CD4: variants seen among roughly 807,000 people sequenced by gnomAD.
CD4 encodes the protein CD4 molecule.
A neutral mutation model predicts 50.5 loss-of-function variants in CD4; 25 were observed. The observed-to-expected ratio is 0.49, with a 90% confidence interval of 0.36 to 0.69. The LOEUF is 0.69. CD4 is among the 30% of genes least tolerant of loss of function. The pLI is 0.00. For synonymous variants in CD4, 207 were observed against 221.9 expected (o/e 0.93, Z 0.60); for missense variants, 456 against 548.5 (o/e 0.83, Z 1.68).
In CD4 at chr12:6,800,367, T is replaced by C; in HGVS notation, c.110T>C (p.Val37Ala). The change falls in exon 3 of 10, where the codon GTG becomes GCG. Residue 37 changes from valine (V) to alanine (A), a missense_variant. Coordinates refer to ENST00000011653, the MANE Select transcript of CD4 (RefSeq NM_000616.5). ...GTGCTGGGCAAAAAAGGGGATACAG[T>C]GGAACTGACCTGTACAGCTTCCCAG... is the stretch of plus-strand genomic sequence containing the variant. ...KVVLGKKGDT[V>A]ELTCTASQKK... 1.2e-6 allele frequency: 2 copies of C among 1,613,996 alleles called. No individual in the cohort carries two copies. The highest frequency in any genetic ancestry group is 8.5e-7 in the Non-Finnish European group (1 of 1,179,954).
chr12:6,817,942 T>C (rs782812201), intron 7 of CD4, among the ~76,000 whole-genome samples: 18 of 151,716 alleles, frequency 1.2e-4, no homozygotes, highest in Admixed American at 1.0e-3. Context: ...CACACACTTA[T>C]ACACTCACAT....
chr12:6,794,001 T>TCTATCTAA (rs1331277866), intron 1 of CD4, among the ~76,000 whole-genome samples: 9 of 151,512 alleles, frequency 5.9e-5, no homozygotes, highest in African/African-American at 2.2e-4. Context: ...TATCTATCTA[T>TCTATCTAA]CTATCACCTA....
chr12:6,800,246 A>T, intron 2 of CD4, 59 bp downstream of exon 2: 1 of 1,612,252 alleles, frequency 6.2e-7, no homozygotes, highest in Non-Finnish European at 8.5e-7. Context: ...GCAAAGGTGG[A>T]GGATGGGGTA....
rs1404876141 is a variant in CD4 at position 6,818,120 on chromosome 12, A to G, written c.1157-301A>G. Among the ~76,000 whole-genome samples, 1 of 142,176 alleles carries G rather than the reference A, an allele frequency of 7.0e-6. No homozygotes were observed. Among genetic ancestry groups the G allele is most frequent in the Non-Finnish European group, 1.5e-5 (1 of 65,384 alleles). 93.3% of individuals were successfully genotyped at this position (142,176 alleles called of 152,430 possible). A position where few individuals can be genotyped will look rare whatever the true frequency, so the allele number is the denominator to read the frequency against. The stretch of plus-strand genomic sequence containing the variant: ...CACGCGCGCACACACACACATTCAC[A>G]CCATTCACACACGCACACACATGCA... On this transcript the variant is annotated intron_variant, in intron 7 of 9. Transcript: ENST00000011653. This position sits in a 1 kb window ranked among gnomAD's most constrained non-coding sequence, Gnocchi z 5.0.
rs782820054 is a variant in CD4, at chr12:6,818,758, G to A, written c.1279-89G>A. On this transcript the variant is annotated intron_variant, in intron 8 of 9. Transcript: ENST00000011653. This position sits in a 1 kb window ranked among gnomAD's most constrained non-coding sequence, Gnocchi z 5.0. ...CCTGGGCCATGTAACTGCTTCTCCTGTCGCAGCTTCCCCCACTCCCCCCAC... is the reference window on the plus strand; with the variant it reads ...CCTGGGCCATGTAACTGCTTCTCCTATCGCAGCTTCCCCCACTCCCCCCAC... 3.8e-5 allele frequency: 49 copies of A among 1,293,966 alleles called. No individual in the cohort carries two copies. The highest frequency in any genetic ancestry group is 4.8e-5 in the Non-Finnish European group (43 of 889,560). The allele number at this position is 1,293,966 out of a possible 1,614,324, so 80.2% of individuals were successfully genotyped here. A position where few individuals can be genotyped will look rare whatever the true frequency, so the allele number is the denominator to read the frequency against.
chr12:6,797,414 T>C (rs1942404746), intron 1 of CD4, among the ~76,000 whole-genome samples: 1 of 152,136 alleles, frequency 6.6e-6, no homozygotes, highest in Non-Finnish European at 1.5e-5. Context: ...GAAGGGGGCC[T>C]GCCCCTCCAC....
chr12:6,798,202 C>G (rs1448842372), intron 1 of CD4, among the ~76,000 whole-genome samples: 1 of 138,730 alleles, frequency 7.2e-6, no homozygotes, highest in Admixed American at 7.1e-5. Flanking sequence ...CAGAGTCTTG[C>G]TCTGTCGCCC....
In CD4 at chr12:6,817,311, G is replaced by T. The variant is rs1198488512; in HGVS notation, c.1137G>T (p.Leu379=). The change falls in exon 7 of 10, where the codon CTG becomes CTT. Residue 379 remains leucine, a synonymous_variant. Transcript: ENST00000011653. ...QCLLSDSGQV[L]LESNIKVLPT... The stretch of plus-strand genomic sequence containing the variant: ...TGCTGAGTGACTCGGGACAGGTCCT[G>T]CTGGAATCCAACATCAAGGGTAAGG... 1 of 1,558,532 alleles carries T rather than the reference G, an allele frequency of 6.4e-7. No individual in the cohort carries two copies. The highest frequency in any genetic ancestry group is 2.4e-5 in the East Asian group (1 of 41,442).
In CD4 at chr12:6,798,426, C is replaced by G. The variant is rs1417313486; in HGVS notation, c.-67-1646C>G. 7.1e-5 allele frequency among the ~76,000 whole-genome samples: 6 copies of G among 84,958 alleles called. 1 individual carries two copies. The highest frequency in any genetic ancestry group is 6.2e-4 in the Admixed American group (6 of 9,670). The allele number at this position is 84,958 out of a possible 152,430, so 55.7% of individuals were successfully genotyped here. ...TGACCTCATGATCCGCCCGCCTTGG[C>G]CTCCCAAAATGCTGGGATTACACGT... On this transcript the variant is annotated intron_variant, in intron 1 of 9. Coordinates refer to ENST00000011653, the MANE Select transcript of CD4 (RefSeq NM_000616.5).
At chr12:6,817,669 C>T (rs1249237116) in intron 7 of CD4, among the ~76,000 whole-genome samples, 2 of 152,030 alleles carry the variant, frequency 1.3e-5, no homozygotes, top group Non-Finnish European at 2.9e-5. Flanking sequence ...CACACACTCA[C>T]ACACATACAC....
In CD4 at chr12:6,819,435, T is replaced by C. The variant is rs1335797682; in HGVS notation, c.*106T>C. Reference sequence around the variant, plus strand: ...AGCAGATCCCCAGCCTCTGGCCTCCTGTTCGCCTCCTCTACAATTTGCCAT... The same window carrying C: ...AGCAGATCCCCAGCCTCTGGCCTCCCGTTCGCCTCCTCTACAATTTGCCAT... On this transcript the variant is annotated 3_prime_UTR_variant, in exon 10 of 10. Transcript: ENST00000011653. 2.9e-6 allele frequency: 3 copies of C among 1,043,956 alleles called. No individual in the cohort carries two copies. In the African/African-American group the frequency reaches 4.7e-5, roughly 16 times the overall value. The allele number at this position is 1,043,956 out of a possible 1,614,324, so 64.7% of individuals were successfully genotyped here. A position where few individuals can be genotyped will look rare whatever the true frequency, so the allele number is the denominator to read the frequency against.
intron 5 of CD4, among the ~76,000 whole-genome samples, chr12:6,815,495 G>A (rs12313879): frequency 0.021 from 3,124 of 152,228 alleles, 95 homozygotes; most frequent in African/African-American, 0.07. Flanking sequence ...ATAAGGTAGT[G>A]TGCCAGTTTA....
intron 1 of CD4, among the ~76,000 whole-genome samples, chr12:6,790,212 CT>C (rs11326016): frequency 0.99 from 151,438 of 152,334 alleles, 75,274 homozygotes; most frequent in East Asian, 1. Flanking sequence ...ACCAATTTTC[CT>C]TAACGGGACA....
In CD4 at chr12:6,819,354, T is replaced by C. The variant is rs782690098; in HGVS notation, c.*25T>C. ...AGGCACGAGGCCAGGCAGATCCCAC[T>C]TGCAGCCTCCCCAGGTGTCTGCCCC... On this transcript the variant is annotated 3_prime_UTR_variant, in exon 10 of 10. Transcript: ENST00000011653. 3 of 1,612,532 alleles carry C rather than the reference T, an allele frequency of 1.9e-6. No individual in the cohort carries two copies. The highest frequency in any genetic ancestry group is 2.7e-5 in the African/African-American group (2 of 74,876).
At chr12:6,799,846 G>T (rs1029039689) in intron 1 of CD4, among the ~76,000 whole-genome samples, 2 of 152,058 alleles carry the variant, frequency 1.3e-5, no homozygotes, top group African/African-American at 2.4e-5. Flanking sequence ...CAGCCATGGG[G>T]CTCCTTATTC....
rs1046909185 is a variant in CD4, at chr12:6,816,769, G to C, written c.956-361G>C. On this transcript the variant is annotated intron_variant, in intron 6 of 9. Coordinates refer to ENST00000011653, the MANE Select transcript of CD4 (RefSeq NM_000616.5). This position sits in a 1 kb window ranked among gnomAD's most constrained non-coding sequence, Gnocchi z 4.9. ...GTGATAGTAATGATGATAATGTCAA[G>C]CTCCAAATTGAGTTTCTGGCTTCCT... Among the ~76,000 whole-genome samples, 3 of 152,324 alleles carry C rather than the reference G, an allele frequency of 2.0e-5. No individual in the cohort carries two copies. Among genetic ancestry groups the C allele is most frequent in the East Asian group, 3.9e-4 (2 of 5,190 alleles).
intron 3 of CD4, 23 bp from the exon 4 acceptor site, chr12:6,814,119 C>G (rs782080125): frequency 1.9e-6 from 3 of 1,610,294 alleles, no homozygotes; most frequent in African/African-American, 2.7e-5. Flanking sequence ...CTCAGTCCCC[C>G]CCCATATGTC....
chr12:6,795,128 CT>C (rs1591542664), intron 1 of CD4, among the ~76,000 whole-genome samples: 1 of 151,976 alleles, frequency 6.6e-6, no homozygotes, highest in East Asian at 1.9e-4. Flanking sequence ...ATCTATCTAT[CT>C]ATCTATCTAA....
rs187890945 is a variant in CD4 at position 6,816,370 on chromosome 12, T to C, written c.922T>C (p.Leu308=). The change falls in exon 6 of 10, where the codon TTG becomes CTG. Residue 308 remains leucine, a synonymous_variant. Coordinates refer to ENST00000011653, the MANE Select transcript of CD4 (RefSeq NM_000616.5). The surrounding 1 kb of genome is among the most constrained non-coding windows in gnomAD (Gnocchi z 4.9). The part of the protein sequence containing the change: ...TLALEAKTGK[L]HQEVNLVVMR... Reference sequence around the variant, plus strand: ...GGCCCTTGAAGCGAAAACAGGAAAGTTGCATCAGGAAGTGAACCTGGTGGT... The same window carrying C: ...GGCCCTTGAAGCGAAAACAGGAAAGCTGCATCAGGAAGTGAACCTGGTGGT... 6 of 1,614,096 alleles carry C rather than the reference T, an allele frequency of 3.7e-6. No individual in the cohort carries two copies. In the African/African-American group the frequency reaches 8.0e-5, roughly 22 times the overall value.
Sources: allele counts gnomAD v4.1 joint callset (sites outside exome capture counted in the v4.1 genomes callset), GRCh38; gene constraint gnomAD v4.1.1; non-coding constraint Gnocchi (gnomAD v3.1); transcripts MANE v1.5; gene names NCBI Gene and HGNC (gene_info 2026-07-23, HGNC 2026-07-21).